IPO7: variants seen among roughly 807,000 people sequenced by gnomAD.
IPO7 encodes importin 7.
A neutral mutation model predicts 136.4 loss-of-function variants in IPO7; 13 were observed. The ratio of observed to expected loss-of-function variants is 0.10; its 90% CI spans 0.06 to 0.15. The LOEUF is 0.15. IPO7 is among the 10% of genes least tolerant of loss of function. IPO7 has a pLI of 1.00. For missense variants in IPO7, 857 were observed against 1,240.6 expected (o/e 0.69, Z 4.65); for synonymous variants, 403 against 404.4 (o/e 1.00, Z 0.04).
At chr11:9,394,321 G>A (rs1244413756) in intron 1 of IPO7, among the ~76,000 whole-genome samples, 2 of 152,162 alleles carry the variant, frequency 1.3e-5, no homozygotes, top group Non-Finnish European at 2.9e-5. Context: ...GAAATTCGTT[G>A]ATGTGAGAGT....
At position 9,403,557 on chromosome 11, in the gene IPO7, T is replaced by G; in HGVS notation, c.166+186T>G. 3 of 525,998 alleles carry G rather than the reference T, an allele frequency of 5.7e-6. No homozygotes were observed. In the South Asian group the frequency reaches 8.4e-5, roughly 15 times the overall value. The allele number at this position is 525,998 out of a possible 1,614,324, so 32.6% of individuals were successfully genotyped here. A position where few individuals can be genotyped will look rare whatever the true frequency, so the allele number is the denominator to read the frequency against. On this transcript the variant is annotated intron_variant, in intron 2 of 24. Coordinates refer to ENST00000379719, the MANE Select transcript of IPO7 (RefSeq NM_006391.3). The stretch of plus-strand genomic sequence containing the variant: ...GGTGGCAGAGTTTAAAGGAATAATT[T>G]GACATTTAGTTGAATTAAAATAGAA...
At chr11:9,434,080 T>C (rs554328992) in intron 18 of IPO7, among the ~76,000 whole-genome samples, 1 of 152,070 alleles carries the variant, frequency 6.6e-6, no homozygotes, top group East Asian at 1.9e-4. Flanking sequence ...TGCGCCACCA[T>C]GCCCGGCTAA....
chr11:9,395,394 C>T (rs1481910101), intron 1 of IPO7, among the ~76,000 whole-genome samples: 3 of 152,072 alleles, frequency 2.0e-5, no homozygotes, highest in Non-Finnish European at 4.4e-5. Flanking sequence ...CAGGCGCCCC[C>T]CACTGTGCCC....
intron 10 of IPO7, 106 bp from the exon 11 acceptor site, chr11:9,424,808 G>T: frequency 1.4e-6 from 1 of 736,252 alleles, no homozygotes; most frequent in East Asian, 2.6e-5. Context: ...AAATTATAAA[G>T]GGATCTGGGA....
intron 4 of IPO7, among the ~76,000 whole-genome samples, chr11:9,410,294 C>G (rs555240084): frequency 6.6e-6 from 1 of 152,162 alleles, no homozygotes; most frequent in Non-Finnish European, 1.5e-5. Flanking sequence ...TCCTTGCACC[C>G]TTTTTTCTTA....
intron 5 of IPO7, among the ~76,000 whole-genome samples, chr11:9,415,891 A>T (rs1161302181): frequency 6.6e-6 from 1 of 152,216 alleles, no homozygotes; most frequent in African/African-American, 2.4e-5. Flanking sequence ...ATTCGCAGTG[A>T]AATGTAATTA....
At chr11:9,421,657 T>A in intron 8 of IPO7, among the ~76,000 whole-genome samples, 1 of 138,870 alleles carries the variant, frequency 7.2e-6, no homozygotes, top group East Asian at 2.2e-4. Context: ...GAAAAACTTG[T>A]TCTAAGGCTG....
chr11:9,390,859 T>A (rs575903867), intron 1 of IPO7, among the ~76,000 whole-genome samples: 1 of 152,242 alleles, frequency 6.6e-6, no homozygotes, highest in African/African-American at 2.4e-5. Context: ...AACCTCTGCC[T>A]TCTGGGTTCA....
At chr11:9,440,687 C>A in intron 23 of IPO7, 26 bp downstream of exon 23, 1 of 1,493,290 alleles carries the variant, frequency 6.7e-7, no homozygotes, top group Non-Finnish European at 9.3e-7. Flanking sequence ...ACATGTGGAT[C>A]CATTTCATTG....
intron 2 of IPO7, among the ~76,000 whole-genome samples, chr11:9,405,780 T>C (rs1854874001): frequency 6.6e-6 from 1 of 152,236 alleles, no homozygotes; most frequent in African/African-American, 2.4e-5. Flanking sequence ...TGGTCAGCAG[T>C]AAATCTTTTT....
At chr11:9,389,672 T>C (rs1293849575) in intron 1 of IPO7, among the ~76,000 whole-genome samples, 1 of 152,256 alleles carries the variant, frequency 6.6e-6, no homozygotes, top group Non-Finnish European at 1.5e-5. Context: ...AGAAAAATGC[T>C]GTAAGTGGAA....
chr11:9,397,341 A>AAATATATATATATATATATATAT, intron 1 of IPO7, among the ~76,000 whole-genome samples: 1 of 10,762 alleles, frequency 9.3e-5, no homozygotes, highest in Non-Finnish European at 1.8e-4. Flanking sequence ...TTTAAAAAAA[A>AAATATATATATATATATATATAT]ATATATATAT....
chr11:9,446,900 G>A lies in IPO7; in HGVS notation c.*1706G>A, dbSNP rs973989824. ...ATCTTGGCAAAAAAAGAAAAAAATT[G>A]TCTAACGTGTGTGGGTGAAAACTGT... On this transcript the variant is annotated 3_prime_UTR_variant, in exon 25 of 25. Coordinates refer to ENST00000379719, the MANE Select transcript of IPO7 (RefSeq NM_006391.3). 2 of 152,052 alleles carry A rather than the reference G, an allele frequency of 1.3e-5. No homozygotes were observed. The highest frequency in any genetic ancestry group is 2.4e-5 in the African/African-American group (1 of 41,412). The allele number at this position is 152,052 out of a possible 1,614,324, so 9.4% of individuals were successfully genotyped here. A position where few individuals can be genotyped will look rare whatever the true frequency, so the allele number is the denominator to read the frequency against.
intron 20 of IPO7, 36 bp downstream of exon 20, chr11:9,436,402 G>T: frequency 2.9e-6 from 4 of 1,375,500 alleles, no homozygotes; most frequent in Admixed American, 1.9e-5. Context: ...AGTTCAGAGG[G>T]GTAATCTTTT....
chr11:9,405,957 T>C (rs1854876645), intron 2 of IPO7, among the ~76,000 whole-genome samples: 1 of 151,928 alleles, frequency 6.6e-6, no homozygotes, highest in Non-Finnish European at 1.5e-5. Flanking sequence ...GACTCAGTTA[T>C]AGCTCATTGA....
Position 9,417,945 on chromosome 11 carries a change from TCA to T in IPO7, c.726+798_726+799del, listed in dbSNP as rs758918224. Among the ~76,000 whole-genome samples the T allele has an allele frequency of 4.6e-3, 689 of 150,682 alleles. 6 individuals are homozygous for T. The highest frequency in any genetic ancestry group is 7.0e-3 in the Non-Finnish European group (468 of 67,054). The stretch of plus-strand genomic sequence containing the variant: ...CCAGGCTGGTCTCAAACTTCTGAGC[TCA>T]GGTGATCCGCCCACCTTGGCCTCCC... On this transcript the variant is annotated intron_variant, in intron 6 of 24. Coordinates refer to ENST00000379719, the MANE Select transcript of IPO7 (RefSeq NM_006391.3).
chr11:9,403,885 G>T (rs1184575132), intron 2 of IPO7, among the ~76,000 whole-genome samples: 1 of 151,672 alleles, frequency 6.6e-6, no homozygotes, highest in African/African-American at 2.4e-5. Context: ...TTTTTTGTAG[G>T]CAGTCTCACT....
At chr11:9,386,954 A>G (rs1023715218) in intron 1 of IPO7, among the ~76,000 whole-genome samples, 22 of 152,194 alleles carry the variant, frequency 1.4e-4, no homozygotes, top group Admixed American at 6.5e-5. Context: ...TAAATTTTCT[A>G]TTAGTATATT....
At chr11:9,392,464 G>A (rs1022906076) in intron 1 of IPO7, 13 of 169,514 alleles carry the variant, frequency 7.7e-5, no homozygotes, top group South Asian at 2.2e-4. Flanking sequence ...CACTGTGCCC[G>A]GCTTGTCAAA....
Sources: allele counts gnomAD v4.1 joint callset (sites outside exome capture counted in the v4.1 genomes callset), GRCh38; gene constraint gnomAD v4.1.1; transcripts MANE v1.5; gene names NCBI Gene and HGNC (gene_info 2026-07-23, HGNC 2026-07-21).